EIF4G3: variants seen among roughly 807,000 people sequenced by gnomAD.
EIF4G3 encodes the protein eukaryotic translation initiation factor 4 gamma 3, also known as eIF-4-gamma 3.
Under a neutral mutation model 186.4 loss-of-function variants are expected in EIF4G3, and 34 were observed. The ratio of observed to expected loss-of-function variants is 0.18; its 90% CI spans 0.14 to 0.24. The LOEUF (loss-of-function observed/expected upper bound fraction) is 0.24, where lower values mean the gene tolerates loss of function less well. EIF4G3 is among the 10% of genes least tolerant of loss of function. EIF4G3 has a pLI of 1.00. For missense variants in EIF4G3, 1,536 were observed against 1,948.5 expected, an observed-to-expected ratio of 0.79 and a Z score of 3.99; for synonymous variants, 673 against 679.5, an observed-to-expected ratio of 0.99 and a Z score of 0.15.
chr1:21,053,667 T>C lies in EIF4G3; in HGVS notation c.-195-2673A>G, dbSNP rs1274125345. 2.0e-4 allele frequency among the ~76,000 whole-genome samples: 26 copies of C among 130,792 alleles called. 1 individual carries two copies. The highest frequency in any genetic ancestry group is 1.5e-3 in the Admixed American group (20 of 13,352). The allele number at this position is 130,792 out of a possible 152,430, so 85.8% of individuals were successfully genotyped here. On this transcript the variant is annotated intron_variant, in intron 3 of 36. Coordinates refer to ENST00000602326, the MANE Select transcript of EIF4G3 (RefSeq NM_001391906.1). The stretch of plus-strand genomic sequence containing the variant: ...GGCGCCTCTGCCCGGCCGCCCCTAC[T>C]GGGAAGTGAGGAGCCCCTCTGCCCA...
At position 20,952,152 on chromosome 1, in the gene EIF4G3, C is replaced by A. The variant is rs1192961445; in HGVS notation, c.715-2041G>T. On this transcript the variant is annotated intron_variant, in intron 12 of 36. Transcript: ENST00000602326. The stretch of plus-strand genomic sequence containing the variant: ...CATAACGTATTAACATATAATTCAA[C>A]ACTTTTTTTTTTTTTTTTTTTGAGA... Among the ~76,000 whole-genome samples, 14 of 112,036 alleles carry A rather than the reference C, an allele frequency of 1.2e-4. No homozygotes were observed. The Admixed American group carries it at 1.8e-3, about 14-fold the overall frequency. 73.5% of individuals were successfully genotyped at this position (112,036 alleles called of 152,430 possible).
At chr1:21,013,693 A>C (rs2087905227) in intron 4 of EIF4G3, among the ~76,000 whole-genome samples, 2 of 152,210 alleles carry the variant, frequency 1.3e-5, no homozygotes, top group Non-Finnish European at 1.5e-5. Flanking sequence ...GCACTGATAC[A>C]TCCCAGGAAT....
In EIF4G3 at chr1:20,810,802, T is replaced by C. The variant is rs750180624; in HGVS notation, c.4680A>G (p.Thr1560=). ...CATAAAGTGCTTGCAGTTCCTTCTC[T>C]GTATCTGAGTCTAGGTACTTGAGTA... ...PILLKYLDSD[T]EKELQALYAL... is the part of the protein sequence containing the mutation. The change falls in exon 36 of 37, where the codon ACA becomes ACG. Residue 1560 remains threonine, a synonymous_variant. Coordinates refer to ENST00000602326, the MANE Select transcript of EIF4G3 (RefSeq NM_001391906.1). This position sits in a 1 kb window ranked among gnomAD's most constrained non-coding sequence, Gnocchi z 4.1. 1.4e-5 allele frequency: 23 copies of C among 1,614,166 alleles called. No individual in the cohort carries two copies. In the Middle Eastern group the frequency reaches 6.6e-4, roughly 46 times the overall value.
intron 23 of EIF4G3, among the ~76,000 whole-genome samples, chr1:20,861,994 A>T (rs1228012368): frequency 6.6e-6 from 1 of 152,096 alleles, no homozygotes; most frequent in Admixed American, 6.6e-5. Flanking sequence ...ACAAAGCGCA[A>T]ACAAAATTGC....
intron 2 of EIF4G3, among the ~76,000 whole-genome samples, chr1:21,114,030 T>G (rs2096773964): frequency 6.6e-6 from 1 of 152,126 alleles, no homozygotes; most frequent in South Asian, 2.1e-4. Context: ...TTTTTAAATC[T>G]TATCTGTTCA....
chr1:20,904,433 C>A (rs887846109), intron 15 of EIF4G3, among the ~76,000 whole-genome samples: 4 of 152,188 alleles, frequency 2.6e-5, no homozygotes, highest in African/African-American at 9.7e-5. Flanking sequence ...GCAGCCTCCA[C>A]CTCCAGGGCT....
chr1:20,859,781 C>T (rs373943622), intron 24 of EIF4G3, among the ~76,000 whole-genome samples: 9 of 152,204 alleles, frequency 5.9e-5, no homozygotes, highest in African/African-American at 1.2e-4. Flanking sequence ...TTAGTAGAGA[C>T]GGGGTTTCAT....
At chr1:21,024,220 G>A (rs1266377015) in intron 4 of EIF4G3, among the ~76,000 whole-genome samples, 4 of 150,450 alleles carry the variant, frequency 2.7e-5, no homozygotes, top group Non-Finnish European at 5.9e-5. Context: ...AGGGAGGTGG[G>A]GGTTCAGCCC....
chr1:20,834,968 T>C (rs1223810486), intron 30 of EIF4G3, among the ~76,000 whole-genome samples: 1 of 152,262 alleles, frequency 6.6e-6, no homozygotes, highest in Non-Finnish European at 1.5e-5. Flanking sequence ...ATAGATCATA[T>C]GTTAGACCAC....
intron 3 of EIF4G3, among the ~76,000 whole-genome samples, chr1:21,068,375 T>TAAAAAAAA (rs869306512): frequency 0.01 from 693 of 67,594 alleles, 5 homozygotes; most frequent in Non-Finnish European, 0.014. Context: ...ACTCTGTCTT[T>TAAAAAAAA]AAAAAAAAAA....
At chr1:20,869,783 A>AC (rs2154552855) in intron 20 of EIF4G3, among the ~76,000 whole-genome samples, 1 of 150,624 alleles carries the variant, frequency 6.6e-6, no homozygotes, top group East Asian at 1.9e-4. Flanking sequence ...TCAAAAAAAA[A>AC]AAAAAAAAAA....
chr1:21,012,463 A>G (rs2087439906), intron 4 of EIF4G3, among the ~76,000 whole-genome samples: 1 of 152,226 alleles, frequency 6.6e-6, no homozygotes, highest in Non-Finnish European at 1.5e-5. Context: ...AAACATGTGT[A>G]TCTGCTTCAA....
In EIF4G3 at chr1:20,994,359, C is replaced by T. The variant is rs561152963; in HGVS notation, c.177+3242G>A. On this transcript the variant is annotated intron_variant, in intron 7 of 36. Coordinates refer to ENST00000602326, the MANE Select transcript of EIF4G3 (RefSeq NM_001391906.1). The stretch of plus-strand genomic sequence containing the variant: ...CACTCCAACCCCATGTCTTTCTTCT[C>T]CTCTATTCAAGGTAATTACTGTTGC... 3.9e-5 allele frequency among the ~76,000 whole-genome samples: 6 copies of T among 152,278 alleles called. No homozygotes were observed. In the South Asian group the frequency reaches 1.2e-3, roughly 32 times the overall value.
chr1:20,860,651 T>A, intron 23 of EIF4G3, 134 bp from the exon 24 acceptor site: 2 of 1,002,604 alleles, frequency 2.0e-6, no homozygotes, highest in Non-Finnish European at 2.8e-6. Flanking sequence ...CTCATGTATC[T>A]TATAGATGAC....
chr1:20,898,705 G>A (rs1452081938), intron 16 of EIF4G3, among the ~76,000 whole-genome samples: 5 of 152,032 alleles, frequency 3.3e-5, no homozygotes, highest in Admixed American at 2.6e-4. Flanking sequence ...GCAGACTAAG[G>A]AAAACTTTTC....
intron 19 of EIF4G3, among the ~76,000 whole-genome samples, chr1:20,880,744 C>T (rs1325011096): frequency 6.6e-6 from 1 of 152,034 alleles, no homozygotes; most frequent in African/African-American, 2.4e-5. Context: ...GAGTGAGACT[C>T]TGTCTCAAAA....
chr1:21,077,959 A>G (rs760519132), intron 3 of EIF4G3, among the ~76,000 whole-genome samples: 29 of 152,152 alleles, frequency 1.9e-4, no homozygotes, highest in Admixed American at 4.6e-4. Context: ...TGCTGGGAAC[A>G]TAAGTTAGTA....
At chr1:21,134,370 T>C (rs528632022) in intron 2 of EIF4G3, among the ~76,000 whole-genome samples, 124 of 152,182 alleles carry the variant, frequency 8.1e-4, no homozygotes, top group Non-Finnish European at 1.3e-3. Flanking sequence ...ATAGTAAATA[T>C]AGAAATACAC....
rs889615300 is a variant in EIF4G3, at chr1:21,067,693, C to T, written c.-195-16699G>A. On this transcript the variant is annotated intron_variant, in intron 3 of 36. Coordinates refer to ENST00000602326, the MANE Select transcript of EIF4G3 (RefSeq NM_001391906.1). ...TAAGATACCTCTCCATTTAATACAC[C>T]GTAAAGTCGAAGTTGAGCTATTTCC... Among the ~76,000 whole-genome samples the T allele has an allele frequency of 9.2e-5, 14 of 151,924 alleles. 1 individual carries two copies. Among genetic ancestry groups the T allele is most frequent in the African/African-American group, 2.9e-4 (12 of 41,342 alleles).
Sources: allele counts gnomAD v4.1 joint callset (sites outside exome capture counted in the v4.1 genomes callset), GRCh38; gene constraint gnomAD v4.1.1; non-coding constraint Gnocchi (gnomAD v3.1); transcripts MANE v1.5; gene names NCBI Gene and HGNC (gene_info 2026-07-23, HGNC 2026-07-21).